Variants in HTT-AS observed in about 807,000 individuals in gnomAD.
HTT-AS encodes the protein HTT antisense RNA (head to head).
intron 2 of HTT-AS, among the ~76,000 whole-genome samples, chr4:3,061,931 G>A (rs1195114401): frequency 7.1e-6 from 1 of 141,590 alleles, no homozygotes; most frequent in African/African-American, 2.6e-5. Context: ...GCAGTGAGCC[G>A]AGATCACACC....
At chr4:3,063,190 T>C (rs1289062282) in exon 2 of HTT-AS, among the ~76,000 whole-genome samples, 2 of 152,258 alleles carry the variant, frequency 1.3e-5, no homozygotes, top group South Asian at 2.1e-4. Flanking sequence ...ATTTCTTTCA[T>C]GGGGAGGGAT....
chr4:3,050,819 C>T (rs1711687211), intron 2 of HTT-AS, among the ~76,000 whole-genome samples: 1 of 152,058 alleles, frequency 6.6e-6, no homozygotes, highest in African/African-American at 2.4e-5. Context: ...TGTAACTTAA[C>T]ATATCAGATT....
Position 3,051,357 on chromosome 4 carries a change from G to A in HTT-AS, n.1381-1659C>T, listed in dbSNP as rs555330079. ...TGGGATTATAGGTGTGAGCCACCGC[G>A]CCTGGCCTTTTGCCAGTTTGATATT... On this transcript the variant is annotated intron_variant and non_coding_transcript_variant, in intron 2 of 2. Transcript: ENST00000664062. Among the ~76,000 whole-genome samples the A allele has an allele frequency of 1.1e-4, 16 of 152,240 alleles. No homozygotes were observed. The South Asian group carries it at 3.1e-3, about 30-fold the overall frequency.
intron 2 of HTT-AS, among the ~76,000 whole-genome samples, chr4:3,056,487 G>T (rs903712942): frequency 2.0e-5 from 3 of 152,202 alleles, no homozygotes; most frequent in African/African-American, 7.2e-5. Flanking sequence ...GTAAGTTACA[G>T]TTTCAATCTT....
chr4:3,068,305 C>CA (rs759119862), intron 1 of HTT-AS, among the ~76,000 whole-genome samples: 1,675 of 12,924 alleles, frequency 0.13, 211 homozygotes, highest in African/African-American at 0.27. Flanking sequence ...GACTCTGTCT[C>CA]AAAAAAAAAA....
chr4:3,049,133 G>C (rs1711653626), exon 3 of HTT-AS, among the ~76,000 whole-genome samples: 1 of 152,082 alleles, frequency 6.6e-6, no homozygotes. Context: ...TCAAAGATAA[G>C]AGTCTCATGG....
At chr4:3,073,937 G>A (rs1712287473) in intron 1 of HTT-AS, among the ~76,000 whole-genome samples, 1 of 152,166 alleles carries the variant, frequency 6.6e-6, no homozygotes, top group Non-Finnish European at 1.5e-5. Flanking sequence ...ACGGCCGGCT[G>A]TCGCCCCGCT....
chr4:3,061,914 G>A (rs564290027), intron 2 of HTT-AS, among the ~76,000 whole-genome samples: 2 of 147,892 alleles, frequency 1.4e-5, no homozygotes, highest in East Asian at 2.0e-4. Flanking sequence ...CCGGGGAGGC[G>A]GAGCTTGCAG....
chr4:3,073,240 G>A (rs1031913019), intron 1 of HTT-AS, among the ~76,000 whole-genome samples: 4 of 152,174 alleles, frequency 2.6e-5, no homozygotes, highest in Non-Finnish European at 5.9e-5. Flanking sequence ...AGGCTTTACT[G>A]GGCTCCTCTC....
chr4:3,065,695 T>C lies in HTT-AS; in HGVS notation n.114-1995A>G, dbSNP rs1319172233. Reference sequence around the variant, plus strand: ...CTATGCTCAGACACTGACGTCAGCCTACAATTGGCAAAATCACACAGCAGC... The same window carrying C: ...CTATGCTCAGACACTGACGTCAGCCCACAATTGGCAAAATCACACAGCAGC... On this transcript the variant is annotated intron_variant and non_coding_transcript_variant, in intron 1 of 2. Coordinates refer to ENST00000664062, the Ensembl canonical transcript of HTT-AS. Among the ~76,000 whole-genome samples, 6 of 152,222 alleles carry C rather than the reference T, an allele frequency of 3.9e-5. No individual in the cohort carries two copies. In the East Asian group the frequency reaches 5.8e-4, roughly 15 times the overall value.
upstream of HTT-AS, chr4:3,074,606 C>G (rs1712350617): frequency 2.3e-6 from 1 of 428,074 alleles, no homozygotes; most frequent in Admixed American, 4.6e-5. Context: ...ATCATGCTGG[C>G]CGGCGTGGCC....
downstream of HTT-AS, among the ~76,000 whole-genome samples, chr4:3,047,219 G>A (rs1030340982): frequency 6.6e-6 from 1 of 152,114 alleles, no homozygotes; most frequent in African/African-American, 2.4e-5. Context: ...GCTGAGGCAG[G>A]AGAATGGCAT....
intron 2 of HTT-AS, among the ~76,000 whole-genome samples, chr4:3,050,231 A>C (rs1171352431): frequency 6.6e-6 from 1 of 152,234 alleles, no homozygotes; most frequent in Non-Finnish European, 1.5e-5. Context: ...AATTAGGTGC[A>C]TTGCACGGAT....
chr4:3,051,400 C>CCA (rs1711701791), intron 2 of HTT-AS, among the ~76,000 whole-genome samples: 2 of 152,034 alleles, frequency 1.3e-5, no homozygotes, highest in African/African-American at 4.8e-5. Context: ...CCCATGCAGC[C>CCA]AGTTGGGTGG....
intron 2 of HTT-AS, among the ~76,000 whole-genome samples, chr4:3,051,354 C>T (rs569726833): frequency 4.6e-5 from 7 of 152,130 alleles, no homozygotes; most frequent in South Asian, 4.1e-4. Context: ...TGTGAGCCAC[C>T]GCGCCTGGCC....
intron 2 of HTT-AS, among the ~76,000 whole-genome samples, chr4:3,053,392 G>C (rs918100616): frequency 6.6e-6 from 1 of 152,182 alleles, no homozygotes; most frequent in Non-Finnish European, 1.5e-5. Context: ...AATTAGCCAG[G>C]TGTGGTGGCG....
rs57201001 is a variant in HTT-AS at position 3,058,720 on chromosome 4, C to CTT, written n.1380+3712_1380+3713dup. Among the ~76,000 whole-genome samples the CTT allele has an allele frequency of 2.6e-3, 376 of 147,316 alleles. 4 individuals are homozygous for CTT. The highest frequency in any genetic ancestry group is 0.014 in the Middle Eastern group (4 of 282). Reference sequence around the variant, plus strand: ...ATATTAGCTGCATCATTTTACATTTCTTTTTTTTTTTTCCTTTTAAATGGG... The same window carrying CTT: ...ATATTAGCTGCATCATTTTACATTTCTTTTTTTTTTTTTTCCTTTTAAATGGG... On this transcript the variant is annotated intron_variant and non_coding_transcript_variant, in intron 2 of 2. Coordinates refer to ENST00000664062, the Ensembl canonical transcript of HTT-AS.
At chr4:3,056,308 G>C (rs918565587) in intron 2 of HTT-AS, among the ~76,000 whole-genome samples, 4 of 152,204 alleles carry the variant, frequency 2.6e-5, no homozygotes, top group Non-Finnish European at 1.5e-5. Flanking sequence ...TTCATGGTCA[G>C]AACAAATTTA....
chr4:3,061,263 CA>C, intron 2 of HTT-AS, among the ~76,000 whole-genome samples: 1 of 152,314 alleles, frequency 6.6e-6, no homozygotes, highest in African/African-American at 2.4e-5. Flanking sequence ...GTAAGAAGTA[CA>C]TTGGTTCCGT....
Sources: allele counts gnomAD v4.1 joint callset (sites outside exome capture counted in the v4.1 genomes callset), GRCh38; gene constraint gnomAD v4.1.1; transcripts MANE v1.5; gene names NCBI Gene and HGNC (gene_info 2026-07-23, HGNC 2026-07-21).